The following TRHDE variants were observed in gnomAD, a reference collection of about 807,000 sequenced individuals.
TRHDE encodes the protein thyrotropin-releasing hormone-degrading ectoenzyme.
A neutral mutation model predicts 125.7 loss-of-function variants in TRHDE; 72 were observed. The observed-to-expected ratio is 0.57, with a 90% CI of 0.47 to 0.70. The LOEUF (loss-of-function observed/expected upper bound fraction) is 0.70. Among genes scored for constraint, TRHDE ranks in the 30% least tolerant of loss-of-function variants. The probability of loss-of-function intolerance (pLI) is 0.00; values close to 1 mark genes in which losing one functional copy is unlikely to be tolerated. For missense variants in TRHDE, 1,110 were observed against 1,327.1 expected (o/e 0.84, Z 2.54); for synonymous variants, 509 against 509.1 (o/e 1.00, Z 0.00).
chr12:72,553,840 C>A (rs1013279156), intron 7 of TRHDE, among the ~76,000 whole-genome samples: 11 of 145,730 alleles, frequency 7.5e-5, no homozygotes, highest in Non-Finnish European at 1.7e-4. Flanking sequence ...CTGTTCTTTT[C>A]TTTTCCTTCT....
chr12:72,516,075 C>T (rs149803886), intron 6 of TRHDE, among the ~76,000 whole-genome samples: 81 of 151,810 alleles, frequency 5.3e-4, no homozygotes, highest in African/African-American at 1.6e-3. Flanking sequence ...AGTCAGGTAG[C>T]GTGATGCCTC....
chr12:72,618,849 G>A (rs200265911), intron 12 of TRHDE, 42 bp from the exon 13 acceptor site: 22 of 1,406,680 alleles, frequency 1.6e-5, no homozygotes, highest in African/African-American at 6.0e-5. Flanking sequence ...AAAAATCTTC[G>A]TTTGTGCATC....
At chr12:72,152,809 T>C (rs919535144) in intron 2 of TRHDE, among the ~76,000 whole-genome samples, 1 of 152,248 alleles carries the variant, frequency 6.6e-6, no homozygotes, top group Non-Finnish European at 1.5e-5. Context: ...AGTATTTTAT[T>C]GAGGATTTTT....
At chr12:72,221,740 C>A (rs2628427) in intron 2 of TRHDE, among the ~76,000 whole-genome samples, 113,782 of 151,960 alleles carry the variant, frequency 0.75, 42,853 homozygotes, top group South Asian at 0.78. Context: ...GGGAAAAAAA[C>A]CAAATTTAGG....
intron 5 of TRHDE, among the ~76,000 whole-genome samples, chr12:72,473,573 C>G (rs554474585): frequency 6.6e-6 from 1 of 151,424 alleles, no homozygotes; most frequent in Non-Finnish European, 1.5e-5. Flanking sequence ...CAAAAAATAC[C>G]TAAAAGATAC....
intron 1 of TRHDE, among the ~76,000 whole-genome samples, chr12:72,283,979 TA>T (rs5799072): frequency 0.66 from 100,251 of 151,238 alleles, 33,527 homozygotes; most frequent in East Asian, 0.83. Flanking sequence ...GGTTATATCT[TA>T]AAAAAAAAGT....
intron 6 of TRHDE, among the ~76,000 whole-genome samples, chr12:72,532,346 A>G (rs969436308): frequency 8.6e-5 from 13 of 151,490 alleles, no homozygotes; most frequent in Non-Finnish European, 1.9e-4. Flanking sequence ...TATTGCTTCT[A>G]TATATTCTTT....
chr12:72,430,318 C>CATATATACATATAT (rs573385322), intron 3 of TRHDE, among the ~76,000 whole-genome samples: 68 of 137,214 alleles, frequency 5.0e-4, no homozygotes, highest in South Asian at 1.5e-3. Context: ...TGTATATATA[C>CATATATACATATAT]ATGTATACAT....
intron 1 of TRHDE, among the ~76,000 whole-genome samples, chr12:72,097,755 T>C (rs1226859803): frequency 6.6e-6 from 1 of 152,130 alleles, no homozygotes; most frequent in Non-Finnish European, 1.5e-5. Context: ...CTAATCTTCA[T>C]TGACTATTTT....
intron 1 of TRHDE, among the ~76,000 whole-genome samples, chr12:72,099,591 C>G (rs1026069779): frequency 6.6e-6 from 1 of 152,022 alleles, no homozygotes; most frequent in Non-Finnish European, 1.5e-5. Context: ...TGAATGCCAG[C>G]CTTCATATCT....
intron 6 of TRHDE, among the ~76,000 whole-genome samples, chr12:72,520,277 G>A (rs1879121137): frequency 6.6e-6 from 1 of 152,186 alleles, no homozygotes; most frequent in South Asian, 2.1e-4. Flanking sequence ...AGACTGCTGT[G>A]CTAGCAATCA....
intron 2 of TRHDE, among the ~76,000 whole-genome samples, chr12:72,118,654 A>G (rs528414724): frequency 3.3e-5 from 5 of 152,068 alleles, no homozygotes; most frequent in South Asian, 4.1e-4. Context: ...GTTTGGTAAA[A>G]TCCATCAGTG....
At chr12:72,488,236 G>A (rs559392) in intron 5 of TRHDE, among the ~76,000 whole-genome samples, 57,046 of 151,794 alleles carry the variant, frequency 0.38, 12,820 homozygotes, top group African/African-American at 0.62. Flanking sequence ...TGTATAAGAA[G>A]ACAAGATCCA....
chr12:72,639,399 C>G (rs1034500516), intron 15 of TRHDE, among the ~76,000 whole-genome samples: 1 of 152,038 alleles, frequency 6.6e-6, no homozygotes, highest in African/African-American at 2.4e-5. Flanking sequence ...TCTAGTTATA[C>G]ATTCTTCTAA....
intron 2 of TRHDE, among the ~76,000 whole-genome samples, chr12:72,265,892 C>T (rs1319602603): frequency 6.6e-6 from 1 of 151,740 alleles, no homozygotes; most frequent in Non-Finnish European, 1.5e-5. Flanking sequence ...TTAAAATTTA[C>T]ATACAGCGAT....
In TRHDE at chr12:72,282,277, G is replaced by A. The variant is rs146195478; in HGVS notation, c.915-4404G>A. Among the ~76,000 whole-genome samples the A allele has an allele frequency of 7.0e-3, 1,063 of 152,010 alleles. 5 individuals carry two copies. Among genetic ancestry groups the A allele is most frequent in the South Asian group, 0.012 (58 of 4,794 alleles). On this transcript the variant is annotated intron_variant, in intron 1 of 18. Transcript: ENST00000261180. ...GTCCACATTATAATTGAAATATTTCGATTTTTAATTAATTTTTTATATTTA... is the reference window on the plus strand; with the variant it reads ...GTCCACATTATAATTGAAATATTTCAATTTTTAATTAATTTTTTATATTTA...
At chr12:72,131,843 C>T (rs572303867) in intron 2 of TRHDE, among the ~76,000 whole-genome samples, 1 of 152,286 alleles carries the variant, frequency 6.6e-6, no homozygotes, top group South Asian at 2.1e-4. Context: ...TATTCCTGCT[C>T]ATACATCATT....
In TRHDE at chr12:72,397,008, G is replaced by C. The variant is rs527493141; in HGVS notation, c.1315+18887G>C. On this transcript the variant is annotated intron_variant, in intron 3 of 18. Coordinates refer to ENST00000261180, the MANE Select transcript of TRHDE (RefSeq NM_013381.3). ...TATGCTGATGCATTTATATCTTCACGTCCGACCTCTGTGGACTCTAATTTC... is the reference window on the plus strand; with the variant it reads ...TATGCTGATGCATTTATATCTTCACCTCCGACCTCTGTGGACTCTAATTTC... Among the ~76,000 whole-genome samples, 6 of 152,192 alleles carry C rather than the reference G, an allele frequency of 3.9e-5. No homozygotes were observed. The East Asian group carries it at 1.2e-3, about 29-fold the overall frequency.
At chr12:72,097,656 G>T (rs1566212537) in intron 1 of TRHDE, among the ~76,000 whole-genome samples, 1 of 151,906 alleles carries the variant, frequency 6.6e-6, no homozygotes, top group Admixed American at 6.6e-5. Context: ...TTGATATGTT[G>T]CCCAGGGTGG....
Sources: gnomAD v4.1 joint callset for allele counts (sites outside exome capture counted in the v4.1 genomes callset) on GRCh38, gnomAD v4.1.1 for gene constraint, MANE v1.5 for transcripts, NCBI Gene and HGNC (gene_info 2026-07-23, HGNC 2026-07-21) for gene names.